NAF1: variants seen among roughly 807,000 people sequenced by gnomAD.
The protein encoded by NAF1 is H/ACA ribonucleoprotein complex non-core subunit NAF1.
In NAF1, 11 loss-of-function variants were observed where a neutral mutation model predicts 40.6. The ratio of observed to expected loss-of-function variants is 0.27; its 90% CI spans 0.17 to 0.45. The LOEUF (loss-of-function observed/expected upper bound fraction) is 0.45. Among genes scored for constraint, NAF1 ranks in the 20% least tolerant of loss-of-function variants. The pLI, the probability that NAF1 is intolerant of heterozygous loss-of-function variation, is 1.00. For synonymous variants in NAF1, 260 were observed against 228.5 expected, an observed-to-expected ratio of 1.14 and a Z score of -1.24; for missense variants, 607 against 611.1, an observed-to-expected ratio of 0.99 and a Z score of 0.07.
At chr4:163,148,585 C>A in intron 2 of NAF1, 151 bp from the exon 3 acceptor site, 1 of 551,912 alleles carries the variant, frequency 1.8e-6, no homozygotes. Context: ...TGGTTGCAGA[C>A]TTGTGATAGC....
At chr4:163,134,676 C>G (rs989955900) in intron 6 of NAF1, among the ~76,000 whole-genome samples, 1 of 152,000 alleles carries the variant, frequency 6.6e-6, no homozygotes, top group African/African-American at 2.4e-5. Flanking sequence ...AACAGAAATA[C>G]CTGAATGAGT....
Position 163,129,022 on chromosome 4 carries a change from G to T in NAF1, c.1360C>A (p.Pro454Thr), listed in dbSNP as rs760686970. The part of the protein sequence containing the change: ...PPPVNMGWAT[P>T]NMAAHPLLNL... Reference sequence around the variant, plus strand: ...AGTAATGGATGAGCAGCCATGTTTGGTGTAGCCCAACCCATGTTTACAGGT... The same window carrying T: ...AGTAATGGATGAGCAGCCATGTTTGTTGTAGCCCAACCCATGTTTACAGGT... The change falls in exon 8 of 8, where the codon CCA (proline) becomes ACA (threonine). Residue 454 changes from proline (P) to threonine (T), a missense_variant. Pro to Thr is a conservative substitution (Grantham distance 38, BLOSUM62 -1). This residue lies in a region of NAF1 where 189 missense variants were observed against 216.6 expected (regional missense o/e 0.87). Transcript: ENST00000274054. 2 of 1,486,322 alleles carry T rather than the reference G, an allele frequency of 1.3e-6. No homozygotes were observed. The highest frequency in any genetic ancestry group is 1.8e-6 in the Non-Finnish European group (2 of 1,108,070). The allele number at this position is 1,486,322 out of a possible 1,614,324, so 92.1% of individuals were successfully genotyped here. A position where few individuals can be genotyped will look rare whatever the true frequency, so the allele number is the denominator to read the frequency against.
intron 7 of NAF1, among the ~76,000 whole-genome samples, chr4:163,132,760 T>C (rs772116949): frequency 1.1e-4 from 16 of 152,264 alleles, no homozygotes; most frequent in Non-Finnish European, 2.4e-4. Flanking sequence ...CTATTATTTT[T>C]ACAACTGTAT....
At chr4:163,120,263 G>A (rs1479908750) in intron 2 of NAF1, among the ~76,000 whole-genome samples, 1 of 152,110 alleles carries the variant, frequency 6.6e-6, no homozygotes, top group East Asian at 1.9e-4. Context: ...ACACTGTAGT[G>A]GCTACTGACA....
At chr4:163,109,213 A>G (rs1299338101), downstream of NAF1, among the ~76,000 whole-genome samples, 1 of 149,962 alleles carries the variant, frequency 6.7e-6, no homozygotes, top group African/African-American at 2.5e-5. Context: ...CTAAGTGAAT[A>G]CAACTTCGAT....
At chr4:163,134,343 G>A (rs1730978639) in intron 6 of NAF1, among the ~76,000 whole-genome samples, 3 of 152,062 alleles carry the variant, frequency 2.0e-5, no homozygotes, top group Admixed American at 6.5e-5. Context: ...GGCTTCACTG[G>A]AATACATTCT....
At chr4:163,123,203 C>A, downstream of NAF1, among the ~76,000 whole-genome samples, 1 of 152,066 alleles carries the variant, frequency 6.6e-6, no homozygotes. Flanking sequence ...AAGAGAGGTG[C>A]CATGCTCTTT....
At chr4:163,132,263 T>C (rs181276550) in intron 7 of NAF1, among the ~76,000 whole-genome samples, 139 of 152,322 alleles carry the variant, frequency 9.1e-4, no homozygotes, top group African/African-American at 3.1e-3. Flanking sequence ...AAAACCTGTA[T>C]ATAAATATTT....
At chr4:163,161,079 G>A (rs1445683484) in intron 2 of NAF1, among the ~76,000 whole-genome samples, 3 of 149,396 alleles carry the variant, frequency 2.0e-5, no homozygotes, top group African/African-American at 7.4e-5. Context: ...AAGCAAGCAA[G>A]GAAATACAAC....
At chr4:163,120,215 T>C (rs894741752) in intron 2 of NAF1, among the ~76,000 whole-genome samples, 1 of 152,088 alleles carries the variant, frequency 6.6e-6, no homozygotes, top group African/African-American at 2.4e-5. Context: ...AAAGCTGCAA[T>C]AATAAAAGGT....
intron 6 of NAF1, 122 bp downstream of exon 6, chr4:163,137,077 G>T: frequency 1.9e-6 from 2 of 1,065,776 alleles, no homozygotes; most frequent in Non-Finnish European, 2.8e-6. Context: ...CGCTAGGACA[G>T]GATAAGGCAG....
intron 2 of NAF1, among the ~76,000 whole-genome samples, chr4:163,150,879 C>T (rs1425043807): frequency 6.6e-6 from 1 of 152,034 alleles, no homozygotes; most frequent in Non-Finnish European, 1.5e-5. Flanking sequence ...TTCACATTTC[C>T]ACAATGTATG....
chr4:163,127,166 G>A (rs1384061874), downstream of NAF1: 1 of 1,528,706 alleles, frequency 6.5e-7, no homozygotes, highest in Non-Finnish European at 8.8e-7. Context: ...GTCTTGCTCT[G>A]CCACCCAGGC....
Position 163,166,409 on chromosome 4 carries a change from C to A in NAF1, c.319G>T (p.Ala107Ser), listed in dbSNP as rs1306455602. ...TCCGAGGTCTCCAAGGAGTCCGGCGCCCGCGCAGGCTCTGCGGCTCCTGGG... is the reference window on the plus strand; with the variant it reads ...TCCGAGGTCTCCAAGGAGTCCGGCGACCGCGCAGGCTCTGCGGCTCCTGGG... ...TSPGAAEPAR[A>S]PDSLETSDSD... is the part of the protein sequence containing the mutation. Residue 107 changes from alanine (A) to serine (S), a missense_variant, in exon 1 of 8, where the codon GCG (alanine) becomes TCG (serine). Coordinates refer to ENST00000274054, the MANE Select transcript of NAF1 (RefSeq NM_138386.3). 6.2e-7 allele frequency: 1 copy of A among 1,607,664 alleles called. No homozygotes were observed. Among genetic ancestry groups the A allele is most frequent in the Admixed American group, 1.7e-5 (1 of 59,546 alleles).
At chr4:163,149,292 T>C (rs1345753723) in intron 2 of NAF1, among the ~76,000 whole-genome samples, 1 of 152,120 alleles carries the variant, frequency 6.6e-6, no homozygotes, top group Non-Finnish European at 1.5e-5. Flanking sequence ...ACCCTACCAA[T>C]GGCATTTTAG....
downstream of NAF1, among the ~76,000 whole-genome samples, chr4:163,124,169 A>C (rs2110848691): frequency 6.6e-6 from 1 of 152,350 alleles, no homozygotes; most frequent in South Asian, 2.1e-4. Flanking sequence ...CAGCTAAGAC[A>C]ACATAGCAAG....
intron 2 of NAF1, among the ~76,000 whole-genome samples, chr4:163,149,016 G>A (rs1306169904): frequency 6.6e-6 from 1 of 152,146 alleles, no homozygotes; most frequent in African/African-American, 2.4e-5. Context: ...TAAAAACTAT[G>A]AAGGTGTTGC....
intron 2 of NAF1, among the ~76,000 whole-genome samples, chr4:163,153,349 T>C (rs1731816488): frequency 6.6e-6 from 1 of 152,166 alleles, no homozygotes; most frequent in African/African-American, 2.4e-5. Context: ...TCTCTATATC[T>C]AGCTCTGGGA....
At chr4:163,141,357 A>G (rs763131052) in intron 4 of NAF1, among the ~76,000 whole-genome samples, 14 of 152,118 alleles carry the variant, frequency 9.2e-5, no homozygotes, top group Non-Finnish European at 1.8e-4. Flanking sequence ...AAAGCGAGAT[A>G]ATATATGTAT....
Sources: gnomAD v4.1 joint callset for allele counts (sites outside exome capture counted in the v4.1 genomes callset) on GRCh38, gnomAD v4.1.1 for gene constraint, gnomAD v4.1.1 regional missense constraint, MANE v1.5 for transcripts, NCBI Gene and HGNC (gene_info 2026-07-23, HGNC 2026-07-21) for gene names.